Variants in MAPK4 observed in about 807,000 individuals in gnomAD.
MAPK4 encodes the protein Erk3-related.
Under a neutral mutation model 47.7 loss-of-function variants are expected in MAPK4, and 22 were observed. That is an observed-to-expected ratio of 0.46 (90% CI 0.33 to 0.66). The LOEUF is 0.66. MAPK4 is among the 30% of genes least tolerant of loss of function. The pLI is 0.02. For missense variants in MAPK4, 736 were observed against 831.7 expected (o/e 0.88, Z 1.42); for synonymous variants, 390 against 365.7 (o/e 1.07, Z -0.76).
chr18:50,587,894 C>T lies in MAPK4; in HGVS notation c.-871+27651C>T, dbSNP rs543232826. Among the ~76,000 whole-genome samples the T allele has an allele frequency of 3.3e-5, 5 of 152,004 alleles. No homozygotes were observed. The South Asian group carries it at 1.0e-3, about 32-fold the overall frequency. The stretch of plus-strand genomic sequence containing the variant: ...CAGGCGCCCACCACCACGCCCAGCT[C>T]ATTTTTATATATTTTTAGTAGAGAC... On this transcript the variant is annotated intron_variant, in intron 1 of 5. Coordinates refer to ENST00000400384, the MANE Select transcript of MAPK4 (RefSeq NM_002747.4).
At chr18:50,651,402 G>A (rs562384979) in intron 1 of MAPK4, among the ~76,000 whole-genome samples, 10 of 152,330 alleles carry the variant, frequency 6.6e-5, no homozygotes, top group African/African-American at 2.4e-4. Context: ...TCAAGACTAA[G>A]AGGGTTGTGG....
Position 50,663,738 on chromosome 18 carries a change from A to G in MAPK4, c.-221A>G. On this transcript the variant is annotated 5_prime_UTR_variant, in exon 2 of 6. Coordinates refer to ENST00000400384, the MANE Select transcript of MAPK4 (RefSeq NM_002747.4). ...TAGACAGCCCTCCCAATGCAGGTTAAGACGACAGCCTGCGCCCCCAACTAG... is the reference window on the plus strand; with the variant it reads ...TAGACAGCCCTCCCAATGCAGGTTAGGACGACAGCCTGCGCCCCCAACTAG... The G allele has an allele frequency of 2.1e-6, 1 of 480,580 alleles. No individual in the cohort carries two copies. The highest frequency in any genetic ancestry group is 3.4e-5 in the East Asian group (1 of 29,412). 29.8% of individuals were successfully genotyped at this position (480,580 alleles called of 1,614,324 possible).
intron 2 of MAPK4, among the ~76,000 whole-genome samples, chr18:50,671,972 G>A (rs1907981731): frequency 6.6e-6 from 1 of 151,174 alleles, no homozygotes. Context: ...ATGGCTTCTT[G>A]CCTGAGAAAA....
chr18:50,570,348 G>T (rs1249273249), intron 1 of MAPK4, among the ~76,000 whole-genome samples: 1 of 152,208 alleles, frequency 6.6e-6, no homozygotes, highest in Admixed American at 6.5e-5. Context: ...TGGCTGAGAA[G>T]GCAGTCACAG....
intron 3 of MAPK4, among the ~76,000 whole-genome samples, chr18:50,720,774 C>G (rs1482834241): frequency 2.0e-5 from 3 of 152,164 alleles, no homozygotes; most frequent in Non-Finnish European, 4.4e-5. Context: ...GCTTCCAGAG[C>G]CCTGAACTGA....
chr18:50,722,076 T>C lies in MAPK4; in HGVS notation c.830T>C (p.Leu277Pro). The C allele has an allele frequency of 6.2e-7, 1 of 1,613,352 alleles. No homozygotes were observed. Among genetic ancestry groups the C allele is most frequent in the Non-Finnish European group, 8.5e-7 (1 of 1,179,666 alleles). ...TWEVKRPLRK[L>P]LPEVNSEAID... is the part of the protein sequence containing the mutation. ...GAGGTGAAGAGGCCTCTGCGCAAGCTGCTCCCTGAAGTGAACAGTGAAGGT... is the reference window on the plus strand; with the variant it reads ...GAGGTGAAGAGGCCTCTGCGCAAGCCGCTCCCTGAAGTGAACAGTGAAGGT... The change falls in exon 4 of 6, where the codon CTG becomes CCG. Residue 277 changes from leucine to proline, a missense_variant. Physicochemically the swap from Leu to Pro is moderately conservative, Grantham distance 98. This residue lies in a region of MAPK4 where 327 missense variants were observed against 395.4 expected (regional missense o/e 0.83). Coordinates refer to ENST00000400384, the MANE Select transcript of MAPK4 (RefSeq NM_002747.4).
chr18:50,562,689 C>T (rs576928030), intron 1 of MAPK4, among the ~76,000 whole-genome samples: 20 of 152,202 alleles, frequency 1.3e-4, no homozygotes, highest in African/African-American at 3.6e-4. Context: ...TCCAGATTGG[C>T]GAGAAAATCA....
At chr18:50,711,469 G>A (rs1910359550) in intron 2 of MAPK4, among the ~76,000 whole-genome samples, 1 of 152,248 alleles carries the variant, frequency 6.6e-6, no homozygotes, top group South Asian at 2.1e-4. Context: ...AGAGAACTGT[G>A]GGAGTGTGCA....
chr18:50,672,897 C>T (rs1180058756), intron 2 of MAPK4, among the ~76,000 whole-genome samples: 4 of 152,212 alleles, frequency 2.6e-5, no homozygotes, highest in Admixed American at 6.5e-5. Flanking sequence ...ACATCAGCCA[C>T]GCTGTGCTGC....
At position 50,678,366 on chromosome 18, in the gene MAPK4, G is replaced by T. The variant is rs1193924135; in HGVS notation, c.546+13862G>T. ...GCCAAAGCCTGCCTCTAGTACTGTG[G>T]TTATACACTACAGGTGATATTCAAG... is the stretch of plus-strand genomic sequence containing the variant. On this transcript the variant is annotated intron_variant, in intron 2 of 5. Transcript: ENST00000400384. The surrounding 1 kb of genome is among the most constrained non-coding windows in gnomAD (Gnocchi z 4.2). Among the ~76,000 whole-genome samples the T allele has an allele frequency of 6.6e-6, 1 of 152,192 alleles. No individual in the cohort carries two copies. Among genetic ancestry groups the T allele is most frequent in the Non-Finnish European group, 1.5e-5 (1 of 68,034 alleles).
In MAPK4 at chr18:50,722,043, G is replaced by A; in HGVS notation, c.797G>A (p.Ser266Asn). ...AGGGTGATGCCTTCCTTTGTCAGCAGCACCTGGGAGGTGAAGAGGCCTCTG... is the reference window on the plus strand; with the variant it reads ...AGGGTGATGCCTTCCTTTGTCAGCAACACCTGGGAGGTGAAGAGGCCTCTG... ...LLRVMPSFVSSTWEVKRPLRK... is the reference protein window; with the variant it reads ...LLRVMPSFVSNTWEVKRPLRK... The change falls in exon 4 of 6, where the codon AGC becomes AAC. Residue 266 changes from serine (S) to asparagine (N), a missense_variant. Coordinates refer to ENST00000400384, the MANE Select transcript of MAPK4 (RefSeq NM_002747.4). 6.2e-7 allele frequency: 1 copy of A among 1,613,772 alleles called. No homozygotes were observed. The highest frequency in any genetic ancestry group is 1.3e-5 in the African/African-American group (1 of 75,046).
chr18:50,655,478 A>G (rs2043099411), intron 1 of MAPK4, among the ~76,000 whole-genome samples: 1 of 152,142 alleles, frequency 6.6e-6, no homozygotes, highest in South Asian at 2.1e-4. Context: ...CTGCCCATAT[A>G]TCAGGGTTTC....
At chr18:50,577,800 T>C (rs1343382088) in intron 1 of MAPK4, among the ~76,000 whole-genome samples, 2 of 152,304 alleles carry the variant, frequency 1.3e-5, no homozygotes, top group African/African-American at 2.4e-5. Flanking sequence ...ACAGCCTTCA[T>C]TGTGGCTACC....
At chr18:50,611,188 G>A (rs115983282) in intron 1 of MAPK4, among the ~76,000 whole-genome samples, 1,570 of 152,274 alleles carry the variant, frequency 0.01, 25 homozygotes, top group African/African-American at 0.036. Flanking sequence ...TTGAGTTCAG[G>A]AAAGGGAGCA....
In MAPK4 at chr18:50,641,293, C is replaced by A. The variant is rs192575864; in HGVS notation, c.-870-21796C>A. Reference sequence around the variant, plus strand: ...TCCTGATGGGATTTGGACAAGTTTCCCTACCTTTCTTGGGTCTCAGTTTTC... The same window carrying A: ...TCCTGATGGGATTTGGACAAGTTTCACTACCTTTCTTGGGTCTCAGTTTTC... On this transcript the variant is annotated intron_variant, in intron 1 of 5. Coordinates refer to ENST00000400384, the MANE Select transcript of MAPK4 (RefSeq NM_002747.4). Among the ~76,000 whole-genome samples, 25 of 152,072 alleles carry A rather than the reference C, an allele frequency of 1.6e-4. 1 individual carries two copies. In the East Asian group the frequency reaches 4.4e-3, roughly 27 times the overall value.
At chr18:50,581,631 C>T (rs1473516430) in intron 1 of MAPK4, among the ~76,000 whole-genome samples, 2 of 152,134 alleles carry the variant, frequency 1.3e-5, no homozygotes, top group Non-Finnish European at 2.9e-5. Flanking sequence ...TATTTTAAAC[C>T]ATCACACAAA....
chr18:50,706,461 T>TG (rs1239812906), intron 2 of MAPK4, among the ~76,000 whole-genome samples: 37 of 150,464 alleles, frequency 2.5e-4, no homozygotes, highest in Admixed American at 4.0e-4. Flanking sequence ...ACGTCAGTTT[T>TG]TTTTTTTTTT....
intron 2 of MAPK4, among the ~76,000 whole-genome samples, chr18:50,679,594 T>TA (rs568885979): frequency 1.1e-3 from 172 of 152,154 alleles, no homozygotes; most frequent in South Asian, 6.4e-3. Context: ...AAGGCCCCAC[T>TA]GCTAATGAGA....
chr18:50,711,377 T>C (rs1201890428), intron 2 of MAPK4, among the ~76,000 whole-genome samples: 1 of 152,196 alleles, frequency 6.6e-6, no homozygotes, highest in South Asian at 2.1e-4. Flanking sequence ...TGCCTCCCAG[T>C]GGGCACAAGG....
Sources: gnomAD v4.1 joint callset for allele counts (sites outside exome capture counted in the v4.1 genomes callset) on GRCh38, gnomAD v4.1.1 for gene constraint, gnomAD v4.1.1 regional missense constraint, Gnocchi (gnomAD v3.1) non-coding constraint, MANE v1.5 for transcripts, NCBI Gene and HGNC (gene_info 2026-07-23, HGNC 2026-07-21) for gene names.